SOX30: variants seen among roughly 807,000 people sequenced by gnomAD.
SOX30 encodes the protein SRY-box transcription factor 30.
Under a neutral mutation model 58.6 loss-of-function variants are expected in SOX30, and 17 were observed. That is an observed-to-expected ratio of 0.29 (90% CI 0.20 to 0.44). The LOEUF (loss-of-function observed/expected upper bound fraction) is 0.44. Among genes scored for constraint, SOX30 ranks in the 20% least tolerant of loss-of-function variants. The pLI, the probability that SOX30 is intolerant of heterozygous loss-of-function variation, is 1.00. For synonymous variants in SOX30, 421 were observed against 400.2 expected, an observed-to-expected ratio of 1.05 and a Z score of -0.62; for missense variants, 951 against 965.8, an observed-to-expected ratio of 0.98 and a Z score of 0.20.
chr5:157,626,331 G>T lies in SOX30; in HGVS notation c.*9C>A. On this transcript the variant is annotated 3_prime_UTR_variant, in exon 5 of 5. Transcript: ENST00000265007. ...AAATGTTTATTTTCTGTGCATATTT[G>T]TTTTAAAATTATAAATCCCTGAGCA... 1.3e-6 allele frequency: 2 copies of T among 1,577,704 alleles called. No individual in the cohort carries two copies. The highest frequency in any genetic ancestry group is 1.7e-6 in the Non-Finnish European group (2 of 1,162,672).
chr5:157,652,494 C>T (rs1045592249), upstream of SOX30: 3 of 606,656 alleles, frequency 4.9e-6, no homozygotes, highest in African/African-American at 6.0e-5. Context: ...GGAATGAAGT[C>T]TTGCGTCACA....
At chr5:157,646,301 C>A (rs1759192194) in intron 3 of SOX30, among the ~76,000 whole-genome samples, 1 of 152,182 alleles carries the variant, frequency 6.6e-6, no homozygotes, top group African/African-American at 2.4e-5. Flanking sequence ...ATTAGCAAGG[C>A]AGTCTTTTAT....
chr5:157,639,261 C>T (rs1458890516), intron 3 of SOX30, among the ~76,000 whole-genome samples: 1 of 152,054 alleles, frequency 6.6e-6, no homozygotes, highest in African/African-American at 2.4e-5. Flanking sequence ...CCTACTGGTA[C>T]TATCTGAATG....
rs1759364237 is a variant in SOX30, at chr5:157,651,997, A to C, written c.82T>G (p.Ser28Ala). The part of the protein sequence containing the change: ...APPPLPVEGT[S>A]FWAAAMEPPP... ...GGCTCCATGGCTGCTGCCCAAAAGG[A>C]GGTGCCCTCGACCGGCAGCGGGGGC... The change falls in exon 1 of 5, where the codon TCC (serine) becomes GCC (alanine). Residue 28 changes from serine (S) to alanine (A), a missense_variant. Physicochemically the swap from Ser to Ala is moderately conservative, Grantham distance 99 (BLOSUM62 1). This residue lies in a region of SOX30 where 363 missense variants were observed against 294.5 expected (regional missense o/e 1.23). Transcript: ENST00000265007. 1 of 1,435,032 alleles carries C rather than the reference A, an allele frequency of 7.0e-7. No individual in the cohort carries two copies. The highest frequency in any genetic ancestry group is 2.7e-5 in the East Asian group (1 of 37,458). 88.9% of individuals were successfully genotyped at this position (1,435,032 alleles called of 1,614,324 possible).
chr5:157,642,558 G>C (rs1409542844), intron 3 of SOX30, among the ~76,000 whole-genome samples: 3 of 152,030 alleles, frequency 2.0e-5, no homozygotes. Context: ...TAGAAAAATG[G>C]AGATTATTTT....
chr5:157,628,495 C>T (rs917975719), intron 4 of SOX30, among the ~76,000 whole-genome samples: 2 of 151,940 alleles, frequency 1.3e-5, no homozygotes, highest in African/African-American at 4.8e-5. Context: ...ATGCCCTACC[C>T]CCAAATCTTC....
At position 157,651,703 on chromosome 5, in the gene SOX30, G is replaced by A; in HGVS notation, c.376C>T (p.His126Tyr). The change falls in exon 1 of 5, where the codon CAC becomes TAC. Residue 126 changes from histidine (H) to tyrosine (Y), a missense_variant. His to Tyr is a moderately conservative substitution (Grantham distance 83). Coordinates refer to ENST00000265007, the MANE Select transcript of SOX30 (RefSeq NM_178424.2). The stretch of plus-strand genomic sequence containing the variant: ...TGCAGCGCCAGGGGCTGCACCGGGT[G>A]CAACTCGGGCCTGGAGGTGGCGCCG... ...SDGATSRPELHPVQPLALHVK... is the reference protein window; with the variant it reads ...SDGATSRPELYPVQPLALHVK... The A allele has an allele frequency of 1.3e-6, 2 of 1,589,360 alleles. No homozygotes were observed. Among genetic ancestry groups the A allele is most frequent in the Non-Finnish European group, 8.6e-7 (1 of 1,169,346 alleles).
Position 157,644,335 on chromosome 5 carries a change from C to CA in SOX30, c.1387+2301dup, listed in dbSNP as rs796349979. Among the ~76,000 whole-genome samples, 322 of 152,172 alleles carry CA rather than the reference C, an allele frequency of 2.1e-3. 1 individual carries two copies. The highest frequency in any genetic ancestry group is 7.2e-3 in the African/African-American group (300 of 41,538). ...ATAAGAGATATTGTAAAAAACAAAA[C>CA]AAAAAACTAAGCACAAACAAAAAAA... On this transcript the variant is annotated intron_variant, in intron 3 of 4. Transcript: ENST00000265007.
At chr5:157,669,108 G>A (rs1759724330) in intron 1 of SOX30, among the ~76,000 whole-genome samples, 1 of 152,208 alleles carries the variant, frequency 6.6e-6, no homozygotes, top group Non-Finnish European at 1.5e-5. Flanking sequence ...GAGACCAAAA[G>A]GGGTCAGCAG....
At chr5:157,654,732 C>T (rs889736690), upstream of SOX30, among the ~76,000 whole-genome samples, 6 of 152,100 alleles carry the variant, frequency 3.9e-5, no homozygotes, top group East Asian at 1.2e-3. Flanking sequence ...TGGCTAAAAC[C>T]CACAAAAACC....
At chr5:157,657,363 A>G (rs185623315), upstream of SOX30, among the ~76,000 whole-genome samples, 437 of 152,284 alleles carry the variant, frequency 2.9e-3, 1 homozygote, top group African/African-American at 9.8e-3. Flanking sequence ...CTGTCCTAAG[A>G]CTTTTTGTCA....
At chr5:157,629,912 C>T (rs1169853916) in intron 4 of SOX30, among the ~76,000 whole-genome samples, 13 of 152,200 alleles carry the variant, frequency 8.5e-5, no homozygotes, top group Admixed American at 8.5e-4. Context: ...CTAGTTCTAG[C>T]TATGCCACAT....
At chr5:157,662,263 A>C (rs1759591736) in intron 2 of SOX30, among the ~76,000 whole-genome samples, 1 of 152,112 alleles carries the variant, frequency 6.6e-6, no homozygotes, top group African/African-American at 2.4e-5. Context: ...TTGACTAAAA[A>C]GTTAACAATT....
At chr5:157,629,748 A>C (rs1011012219) in intron 4 of SOX30, among the ~76,000 whole-genome samples, 1 of 152,230 alleles carries the variant, frequency 6.6e-6, no homozygotes, top group Non-Finnish European at 1.5e-5. Flanking sequence ...AGACACAGAC[A>C]CTATAAATAT....
intron 3 of SOX30, among the ~76,000 whole-genome samples, chr5:157,639,900 C>A (rs1759023553): frequency 6.6e-6 from 1 of 152,134 alleles, no homozygotes; most frequent in Non-Finnish European, 1.5e-5. Flanking sequence ...CAGATAATGC[C>A]CCTCTTAAAG....
intron 4 of SOX30, among the ~76,000 whole-genome samples, chr5:157,636,560 C>A (rs1758931725): frequency 6.6e-6 from 1 of 152,130 alleles, no homozygotes; most frequent in Non-Finnish European, 1.5e-5. Context: ...ACAAAACAAA[C>A]CCTAGATGAC....
chr5:157,654,315 A>T (rs1759427632), upstream of SOX30, among the ~76,000 whole-genome samples: 1 of 152,248 alleles, frequency 6.6e-6, no homozygotes, highest in Non-Finnish European at 1.5e-5. Flanking sequence ...CTGTGGTAAC[A>T]CATTTTCATA....
At chr5:157,639,142 A>AAAT (rs1032711582) in intron 3 of SOX30, among the ~76,000 whole-genome samples, 2 of 152,150 alleles carry the variant, frequency 1.3e-5, no homozygotes, top group Admixed American at 6.5e-5. Flanking sequence ...ATACATTTAA[A>AAAT]AATAATAATA....
chr5:157,638,640 G>A lies in SOX30; in HGVS notation c.1470C>T (p.Ser490=). ...SPVTLFQPSV[S]SAAQVAVQDP... Reference sequence around the variant, plus strand: ...CCTGGACAGCCACCTGAGCAGCACTGGAGACGCTGGGCTGGAAAAGTGTGA... The same window carrying A: ...CCTGGACAGCCACCTGAGCAGCACTAGAGACGCTGGGCTGGAAAAGTGTGA... Residue 490 remains serine (S), a synonymous_variant, in exon 4 of 5, where the codon TCC becomes TCT. Coordinates refer to ENST00000265007, the MANE Select transcript of SOX30 (RefSeq NM_178424.2). 6.2e-7 allele frequency: 1 copy of A among 1,614,190 alleles called. No homozygotes were observed. Among genetic ancestry groups the A allele is most frequent in the East Asian group, 2.2e-5 (1 of 44,874 alleles).
Sources: gnomAD v4.1 joint callset for allele counts (sites outside exome capture counted in the v4.1 genomes callset) on GRCh38, gnomAD v4.1.1 for gene constraint, gnomAD v4.1.1 regional missense constraint, MANE v1.5 for transcripts, NCBI Gene and HGNC (gene_info 2026-07-23, HGNC 2026-07-21) for gene names.